Variants in SMYD4 observed in about 807,000 individuals in gnomAD.
The protein encoded by SMYD4 is protein-lysine N-methyltransferase SMYD4.
A neutral mutation model predicts 72.8 loss-of-function variants in SMYD4; 68 were observed. That is an observed-to-expected ratio of 0.93 (90% CI 0.77 to 1.14). SMYD4 has a LOEUF of 1.14. SMYD4 is among the 50% of genes most tolerant of loss of function. The pLI is 0.00. For synonymous variants in SMYD4, 407 were observed against 388.6 expected (o/e 1.05, Z -0.56); for missense variants, 984 against 1,003.7 (o/e 0.98, Z 0.27).
Position 1,800,704 on chromosome 17 carries a change from A to G in SMYD4, c.690T>C (p.Asn230=). ...CGCATAAGCCGATGGATGATGAGGC[A>G]TTGGAAAGTTGTTCATTCTCCTCCC... ...ALREENEQLS[N]ASSSIGLCVD... The change falls in exon 5 of 11, where the codon AAT becomes AAC. Residue 230 remains asparagine (N), a synonymous_variant. Coordinates refer to ENST00000305513, the MANE Select transcript of SMYD4 (RefSeq NM_052928.3). The G allele has an allele frequency of 6.2e-7, 1 of 1,614,230 alleles. No homozygotes were observed. The highest frequency in any genetic ancestry group is 8.5e-7 in the Non-Finnish European group (1 of 1,180,046).
chr17:1,803,273 A>G (rs9914079), intron 4 of SMYD4, among the ~76,000 whole-genome samples: 6,883 of 152,322 alleles, frequency 0.045, 541 homozygotes, highest in African/African-American at 0.16. Context: ...CGGGCAGTTC[A>G]AGGTAGGTTT....
intron 5 of SMYD4, among the ~76,000 whole-genome samples, chr17:1,795,142 G>A (rs1394992223): frequency 7.9e-5 from 12 of 152,090 alleles, no homozygotes; most frequent in Non-Finnish European, 1.8e-4. Flanking sequence ...GGCTGGAGCA[G>A]TTTACACAGT....
chr17:1,821,565 AG>A (rs1317580230), intron 2 of SMYD4, among the ~76,000 whole-genome samples: 1 of 152,116 alleles, frequency 6.6e-6, no homozygotes, highest in Non-Finnish European at 1.5e-5. Flanking sequence ...TGGGAAGAAG[AG>A]AGCAAAATTA....
At chr17:1,792,869 A>G (rs34088590) in intron 5 of SMYD4, among the ~76,000 whole-genome samples, 27,994 of 152,094 alleles carry the variant, frequency 0.18, 2,704 homozygotes, top group Middle Eastern at 0.21. Context: ...GGGGAAATTT[A>G]TAAGATTGGG....
intron 2 of SMYD4, among the ~76,000 whole-genome samples, chr17:1,813,472 CA>C (rs1910437330): frequency 6.6e-6 from 1 of 151,932 alleles, no homozygotes; most frequent in Admixed American, 6.6e-5. Context: ...GGCTGTAGTG[CA>C]GCACTGGCAC....
chr17:1,828,082 G>T, intron 1 of SMYD4, 76 bp from the exon 2 acceptor site: 1 of 1,459,828 alleles, frequency 6.9e-7, no homozygotes, highest in Non-Finnish European at 9.4e-7. Context: ...CAGGTACGGT[G>T]GCTCACACCT....
At chr17:1,783,713 A>C (rs900969573) in intron 8 of SMYD4, 3 of 608,142 alleles carry the variant, frequency 4.9e-6, no homozygotes, top group African/African-American at 1.9e-5. Context: ...TGTATTTTCA[A>C]CATTAACTTC....
chr17:1,803,431 C>T (rs73297051), intron 4 of SMYD4, among the ~76,000 whole-genome samples: 25 of 152,310 alleles, frequency 1.6e-4, no homozygotes, highest in African/African-American at 5.3e-4. Context: ...CTTGGCTGAT[C>T]CTGACACTGA....
chr17:1,794,037 G>GTATATATATATGTGTGTATATATA (rs540607649), intron 5 of SMYD4, among the ~76,000 whole-genome samples: 3 of 49,332 alleles, frequency 6.1e-5, no homozygotes, highest in East Asian at 4.6e-4. Context: ...ATATATATAT[G>GTATATATATATGTGTGTATATATA]TATGTATATA....
At chr17:1,813,334 C>G (rs1910430760) in intron 2 of SMYD4, among the ~76,000 whole-genome samples, 1 of 152,030 alleles carries the variant, frequency 6.6e-6, no homozygotes, top group South Asian at 2.1e-4. Context: ...GAGTGGCTGA[C>G]AGAAGAGAGA....
intron 5 of SMYD4, among the ~76,000 whole-genome samples, chr17:1,798,355 A>C (rs1909518247): frequency 6.6e-6 from 1 of 151,878 alleles, no homozygotes. Flanking sequence ...GATTTGACCC[A>C]CCCCGGCCTC....
At chr17:1,820,586 C>T (rs1020640520) in intron 2 of SMYD4, among the ~76,000 whole-genome samples, 3 of 152,102 alleles carry the variant, frequency 2.0e-5, no homozygotes, top group Non-Finnish European at 4.4e-5. Context: ...TCGAGCACGT[C>T]CTTGTTTTCT....
rs1314184290 is a variant in SMYD4 at position 1,796,317 on chromosome 17, T to TTTTTG, written c.1537+3539_1537+3540insCAAAA. ...CCTGGCTGTTTTTTTTTTTTTTTTT[T>TTTTTG]GTAGAGATGGGTCTTGCTCTGTTGC... On this transcript the variant is annotated intron_variant, in intron 5 of 10. Transcript: ENST00000305513. Among the ~76,000 whole-genome samples the TTTTTG allele has an allele frequency of 1.5e-4, 22 of 149,404 alleles. 1 individual carries two copies. The highest frequency in any genetic ancestry group is 4.2e-4 in the African/African-American group (17 of 40,408).
In SMYD4 at chr17:1,800,951, C is replaced by G. The variant is rs1464755319; in HGVS notation, c.443G>C (p.Arg148Pro). ...CAGGGCCACCAGACATTCTGCTTTA[C>G]GTAACATAATCTTGGGTTGCAACCT... ...PERLQPKIML[R>P]KAECLVALGR... Residue 148 changes from arginine to proline, a missense_variant, in exon 5 of 11, where the codon CGT (arginine) becomes CCT (proline). Arg to Pro is a moderately radical substitution (Grantham distance 103). Coordinates refer to ENST00000305513, the MANE Select transcript of SMYD4 (RefSeq NM_052928.3). 1 of 1,614,178 alleles carries G rather than the reference C, an allele frequency of 6.2e-7. No homozygotes were observed. Among genetic ancestry groups the G allele is most frequent in the Non-Finnish European group, 8.5e-7 (1 of 1,179,996 alleles).
chr17:1,795,405 CTCTATCTATCTA>C (rs6145948), intron 5 of SMYD4, among the ~76,000 whole-genome samples: 36,591 of 148,758 alleles, frequency 0.25, 4,917 homozygotes, highest in African/African-American at 0.34. Context: ...ACGATCTCAG[CTCTATCTATCTA>C]TCTATCTATC....
chr17:1,788,621 T>C (rs1168460441), intron 5 of SMYD4, among the ~76,000 whole-genome samples: 1 of 151,938 alleles, frequency 6.6e-6, no homozygotes, highest in Non-Finnish European at 1.5e-5. Flanking sequence ...GGTACGTGCC[T>C]GTAGTCCCAG....
intron 2 of SMYD4, among the ~76,000 whole-genome samples, chr17:1,817,748 GTTTTC>G (rs1169380152): frequency 3.3e-5 from 5 of 152,062 alleles, no homozygotes; most frequent in Non-Finnish European, 5.9e-5. Context: ...TTTCCCCTAT[GTTTTC>G]TTTTAAGAAG....
rs140685899 is a variant in SMYD4 at position 1,786,945 on chromosome 17, G to A, written c.1749C>T (p.Ala583=). The change falls in exon 7 of 11, where the codon GCC becomes GCT. Residue 583 remains alanine (A), a synonymous_variant. Coordinates refer to ENST00000305513, the MANE Select transcript of SMYD4 (RefSeq NM_052928.3). Reference sequence around the variant, plus strand: ...GAGACCTCAGCTTCTGCTGCCTTTCGGCAACCCCCATCCGGCTCTTGTGAG... The same window carrying A: ...GAGACCTCAGCTTCTGCTGCCTTTCAGCAACCCCCATCCGGCTCTTGTGAG... The part of the protein sequence containing the change: ...YGPHKSRMGV[A]ERQQKLRSQY... The A allele has an allele frequency of 1.2e-5, 19 of 1,613,970 alleles. No individual in the cohort carries two copies. The highest frequency in any genetic ancestry group is 5.5e-5 in the South Asian group (5 of 91,060).
chr17:1,829,503 C>T lies in SMYD4; in HGVS notation c.-13+223G>A, dbSNP rs572906602. The T allele has an allele frequency of 2.3e-3, 349 of 152,448 alleles. 3 individuals are homozygous for T. Among genetic ancestry groups the T allele is most frequent in the Middle Eastern group, 6.8e-3 (2 of 296 alleles). The allele number at this position is 152,448 out of a possible 1,614,324, so 9.4% of individuals were successfully genotyped here. On this transcript the variant is annotated intron_variant, in intron 1 of 10. Transcript: ENST00000305513. ...TACCTGGAGGTGGGGTTACTGACGG[C>T]ATAAAGTGCCCCCACACACTGTCCT...
Sources: gnomAD v4.1 joint callset for allele counts (sites outside exome capture counted in the v4.1 genomes callset) on GRCh38, gnomAD v4.1.1 for gene constraint, MANE v1.5 for transcripts, NCBI Gene and HGNC (gene_info 2026-07-23, HGNC 2026-07-21) for gene names.